The following TUT4 variants were observed in gnomAD, a reference collection of about 807,000 sequenced individuals.
TUT4 encodes terminal uridylyltransferase 4.
A neutral mutation model predicts 192.2 loss-of-function variants in TUT4; 36 were observed. The observed-to-expected ratio is 0.19, with a 90% CI of 0.14 to 0.25. TUT4 has a LOEUF of 0.25. Ranked by LOEUF, TUT4 falls within the 10% of genes least tolerant of loss-of-function variation. The probability of loss-of-function intolerance (pLI) is 1.00; values close to 1 mark genes in which losing one functional copy is unlikely to be tolerated. For synonymous variants in TUT4, 618 were observed against 666.0 expected (o/e 0.93, Z 1.11); for missense variants, 1,493 against 1,957.2 (o/e 0.76, Z 4.47).
chr1:52,436,899 C>T lies in TUT4; in HGVS notation c.4018G>A (p.Val1340Ile), dbSNP rs201801992. 7.8e-5 allele frequency: 121 copies of T among 1,552,020 alleles called. No individual in the cohort carries two copies. The highest frequency in any genetic ancestry group is 1.5e-4 in the Admixed American group (8 of 53,956). ...GNEEEKDSRD[V>I]LDPRDLHDTR... Reference sequence around the variant, plus strand: ...TCGTGGAGGTCTCGGGGGTCAAGAACATCTCGGGAATCTTTCTCTTCTTCA... The same window carrying T: ...TCGTGGAGGTCTCGGGGGTCAAGAATATCTCGGGAATCTTTCTCTTCTTCA... Residue 1340 changes from valine to isoleucine, a missense_variant, in exon 26 of 30, where the codon GTT becomes ATT. Physicochemically the swap from Val to Ile is conservative, Grantham distance 29 (BLOSUM62 3). Around this residue, in one of 7 missense-constraint regions of TUT4, gnomAD observed 351 missense variants for 397.8 expected, o/e 0.88. Coordinates refer to ENST00000257177, the MANE Select transcript of TUT4 (RefSeq NM_001009881.3).
chr1:52,501,179 A>G (rs1373384121), intron 4 of TUT4, among the ~76,000 whole-genome samples: 3 of 152,208 alleles, frequency 2.0e-5, no homozygotes, highest in Non-Finnish European at 4.4e-5. Flanking sequence ...AACCCACAAA[A>G]TGGAAGAACA....
At chr1:52,530,978 A>G (rs574276429) in intron 1 of TUT4, among the ~76,000 whole-genome samples, 4 of 152,266 alleles carry the variant, frequency 2.6e-5, no homozygotes, top group African/African-American at 9.6e-5. Context: ...ACTCCAGGCT[A>G]GGTGATAAGA....
intron 1 of TUT4, among the ~76,000 whole-genome samples, chr1:52,537,302 A>G (rs1414297670): frequency 2.0e-5 from 3 of 151,632 alleles, no homozygotes; most frequent in Non-Finnish European, 4.4e-5. Flanking sequence ...CAGATACTCC[A>G]TGCAAAGAGT....
chr1:52,531,197 CTA>C (rs1683295359), intron 1 of TUT4, among the ~76,000 whole-genome samples: 1 of 151,546 alleles, frequency 6.6e-6, no homozygotes, highest in South Asian at 2.1e-4. Context: ...AAATAACCAA[CTA>C]TATCTTAATA....
chr1:52,538,018 T>G (rs1685422339), intron 1 of TUT4, among the ~76,000 whole-genome samples: 1 of 152,000 alleles, frequency 6.6e-6, no homozygotes, highest in Non-Finnish European at 1.5e-5. Context: ...GGCAGATCAC[T>G]TGAGGTCAGG....
At chr1:52,522,840 C>T (rs544586127) in intron 2 of TUT4, among the ~76,000 whole-genome samples, 4 of 152,026 alleles carry the variant, frequency 2.6e-5, no homozygotes, top group East Asian at 1.9e-4. Flanking sequence ...GTAGGAGAAT[C>T]GCTTGAACTC....
At chr1:52,540,279 G>A (rs1426115081) in intron 1 of TUT4, among the ~76,000 whole-genome samples, 3 of 151,366 alleles carry the variant, frequency 2.0e-5, no homozygotes, top group Admixed American at 1.3e-4. Context: ...CACTTTGGGA[G>A]GCCAAGGCGG....
intron 9 of TUT4, among the ~76,000 whole-genome samples, chr1:52,488,094 T>C (rs6682550): frequency 0.33 from 50,214 of 152,110 alleles, 12,278 homozygotes; most frequent in African/African-American, 0.7. Flanking sequence ...TCTGACTGTT[T>C]CGTACTCAGC....
In TUT4 at chr1:52,445,017, A is replaced by G. The variant is rs12090137; in HGVS notation, c.3822+770T>C. Among the ~76,000 whole-genome samples, 21 of 136,650 alleles carry G rather than the reference A, an allele frequency of 1.5e-4. 1 individual carries two copies. In the South Asian group the frequency reaches 4.7e-3, roughly 30 times the overall value. The allele number at this position is 136,650 out of a possible 152,430, so 89.6% of individuals were successfully genotyped here. Reference sequence around the variant, plus strand: ...TATATACATGTATGTGTGTATATATATGTATATATGTGTATATATATATGT... The same window carrying G: ...TATATACATGTATGTGTGTATATATGTGTATATATGTGTATATATATATGT... On this transcript the variant is annotated intron_variant, in intron 24 of 29. Transcript: ENST00000257177.
chr1:52,496,588 G>A (rs931442445), intron 5 of TUT4, among the ~76,000 whole-genome samples: 2 of 151,972 alleles, frequency 1.3e-5, no homozygotes, highest in African/African-American at 2.4e-5. Context: ...ACACTCCCTT[G>A]TACCAAACAA....
At chr1:52,449,648 A>G (rs1434795629) in intron 20 of TUT4, among the ~76,000 whole-genome samples, 2 of 152,212 alleles carry the variant, frequency 1.3e-5, no homozygotes, top group African/African-American at 2.4e-5. Flanking sequence ...TATAAAATTT[A>G]CCATCATAAG....
At chr1:52,466,679 TATA>T (rs1664288416) in intron 15 of TUT4, among the ~76,000 whole-genome samples, 2 of 136,228 alleles carry the variant, frequency 1.5e-5, no homozygotes, top group Non-Finnish European at 3.0e-5. Flanking sequence ...TATATATATA[TATA>T]TTTTTGAGAC....
Position 52,474,895 on chromosome 1 carries a change from A to G in TUT4, c.2664T>C (p.Asp888=), listed in dbSNP as rs749235481. ...ATEDASDLND[D]DNLPTQELYY... ...ATAATTCCTGGGTGGGGAGGTTATC[A>G]TCATCATTAAGGTCAGAAGCATCTT... Residue 888 remains aspartate (D), a synonymous_variant, in exon 13 of 30, where the codon GAT becomes GAC. Coordinates refer to ENST00000257177, the MANE Select transcript of TUT4 (RefSeq NM_001009881.3). 3.7e-6 allele frequency: 6 copies of G among 1,613,948 alleles called. No individual in the cohort carries two copies. The highest frequency in any genetic ancestry group is 1.6e-4 in the Middle Eastern group (1 of 6,062).
At chr1:52,465,220 G>C (rs750434589) in intron 15 of TUT4, 47 bp from the exon 16 acceptor site, 69 of 1,418,852 alleles carry the variant, frequency 4.9e-5, no homozygotes, top group Non-Finnish European at 6.4e-5. Context: ...AAGCAGAGAG[G>C]AGGAGTCTTC....
intron 3 of TUT4, chr1:52,515,244 T>C (rs1435348667): frequency 1.3e-5 from 2 of 152,570 alleles, no homozygotes; most frequent in African/African-American, 2.4e-5. Context: ...AATAAAATGC[T>C]ATTTTATTTC....
chr1:52,446,436 G>A lies in TUT4; in HGVS notation c.3520C>T (p.Arg1174Cys), dbSNP rs878984515. 1.3e-6 allele frequency: 2 copies of A among 1,581,546 alleles called. No homozygotes were observed. The highest frequency in any genetic ancestry group is 1.2e-5 in the South Asian group (1 of 84,870). Residue 1174 changes from arginine to cysteine, a missense_variant, in exon 22 of 30, where the codon CGT (arginine) becomes TGT (cysteine). Transcript: ENST00000257177. ...GTGTTCTTTCCAAGTGAAGGTAAAC[G>A]CTTTTTCTACATATAAAAAAAAAAA... ...FFDKTEELKKRLPSLGKNTES... is the reference protein window; with the variant it reads ...FFDKTEELKKCLPSLGKNTES...
At chr1:52,486,869 G>T (rs1265396359) in intron 9 of TUT4, among the ~76,000 whole-genome samples, 1 of 152,062 alleles carries the variant, frequency 6.6e-6, no homozygotes, top group African/African-American at 2.4e-5. Flanking sequence ...AAAATAAAAA[G>T]AATGTATCTG....
intron 20 of TUT4, among the ~76,000 whole-genome samples, chr1:52,456,601 C>T (rs1300441219): frequency 6.6e-6 from 1 of 151,340 alleles, no homozygotes; most frequent in Non-Finnish European, 1.5e-5. Context: ...GAAAAGGCTA[C>T]ATACTATATG....
chr1:52,431,612 C>T, intron 27 of TUT4, 152 bp from the exon 28 acceptor site: 1 of 588,082 alleles, frequency 1.7e-6, no homozygotes, highest in Non-Finnish European at 2.6e-6. Flanking sequence ...GTACTCAAAC[C>T]CCCTTTTCAA....
Sources: gnomAD v4.1 joint callset for allele counts (sites outside exome capture counted in the v4.1 genomes callset) on GRCh38, gnomAD v4.1.1 for gene constraint, gnomAD v4.1.1 regional missense constraint, MANE v1.5 for transcripts, NCBI Gene and HGNC (gene_info 2026-07-23, HGNC 2026-07-21) for gene names.